WDR64: variants seen among roughly 807,000 people sequenced by gnomAD.
The protein encoded by WDR64 is WD repeat domain 64, also known as WD repeat-containing protein 64.
Under a neutral mutation model 139.3 loss-of-function variants are expected in WDR64, and 112 were observed. The observed-to-expected ratio is 0.80, with a 90% CI of 0.69 to 0.94. WDR64 has a LOEUF of 0.94. Ranked by LOEUF, WDR64 falls within the 40% of genes least tolerant of loss-of-function variation. WDR64 has a pLI of 0.00. For synonymous variants in WDR64, 444 were observed against 437.7 expected, an observed-to-expected ratio of 1.01 and a Z score of -0.18; for missense variants, 1,206 against 1,293.1, an observed-to-expected ratio of 0.93 and a Z score of 1.03.
At chr1:241,775,271 A>T (rs977941341) in intron 21 of WDR64, 61 bp downstream of exon 21, 6 of 1,400,476 alleles carry the variant, frequency 4.3e-6, no homozygotes, top group Non-Finnish European at 4.9e-6. Flanking sequence ...TGATATAAAA[A>T]TGGCTTTAGG....
chr1:241,697,138 CCTTAGCCTAGA>C (rs1667524882), intron 8 of WDR64, among the ~76,000 whole-genome samples: 1 of 152,156 alleles, frequency 6.6e-6, no homozygotes, highest in African/African-American at 2.4e-5. Context: ...TTAGCAGAGC[CCTTAGCCTAGA>C]CTCCTAATCC....
intron 8 of WDR64, among the ~76,000 whole-genome samples, chr1:241,709,743 C>T (rs1044891113): frequency 1.3e-5 from 2 of 152,128 alleles, no homozygotes; most frequent in Admixed American, 1.3e-4. Flanking sequence ...ATTATAAATA[C>T]ACATACCTTT....
At chr1:241,756,427 G>A (rs1670194658) in intron 14 of WDR64, among the ~76,000 whole-genome samples, 1 of 152,134 alleles carries the variant, frequency 6.6e-6, no homozygotes, top group African/African-American at 2.4e-5. Context: ...CTGAGACTTT[G>A]CTGAAGTTGC....
At chr1:241,666,715 A>G (rs907439344) in intron 2 of WDR64, among the ~76,000 whole-genome samples, 1 of 152,220 alleles carries the variant, frequency 6.6e-6, no homozygotes, top group African/African-American at 2.4e-5. Context: ...GTTGACATTG[A>G]TTGAGCTCCT....
chr1:241,736,785 T>A (rs1021756339), intron 10 of WDR64, among the ~76,000 whole-genome samples: 2 of 152,118 alleles, frequency 1.3e-5, no homozygotes, highest in African/African-American at 2.4e-5. Flanking sequence ...TCACATCAAT[T>A]AAATAAGGTG....
chr1:241,795,089 AG>A lies in WDR64; in HGVS notation c.2998-115del, dbSNP rs1659324387. ...TATTTGATTCTCATAACTAGGTAAC[AG>A]GGAAGTCCCTTAAGATCACACATCT... On this transcript the variant is annotated intron_variant, in intron 25 of 27. Coordinates refer to ENST00000437684, the MANE Select transcript of WDR64 (RefSeq NM_001367482.1). 3 of 766,648 alleles carry A rather than the reference AG, an allele frequency of 3.9e-6. No homozygotes were observed. The East Asian group carries it at 7.8e-5, about 20-fold the overall frequency. The allele number at this position is 766,648 out of a possible 1,614,324, so 47.5% of individuals were successfully genotyped here. A position where few individuals can be genotyped will look rare whatever the true frequency, so the allele number is the denominator to read the frequency against.
chr1:241,783,320 C>T lies in WDR64; in HGVS notation c.2644C>T (p.Gln882Ter). ...SWRAHSLEII[Q>*]VIYVEEKQVV... ...GCGTGCTCATTCTTTGGAAATTATT[C>T]AAGTAATCTATGTAGAAGAAAAACA... Residue 882 changes from glutamine (Q) to a stop codon, truncating the protein, a stop_gained, in exon 23 of 28, where the codon CAA becomes TAA. Coordinates refer to ENST00000437684, the MANE Select transcript of WDR64 (RefSeq NM_001367482.1). LOFTEE classifies it high-confidence loss of function. 1 of 1,613,974 alleles carries T rather than the reference C, an allele frequency of 6.2e-7. No homozygotes were observed. The highest frequency in any genetic ancestry group is 8.5e-7 in the Non-Finnish European group (1 of 1,179,970).
chr1:241,654,305 T>G (rs368690903), intron 1 of WDR64, among the ~76,000 whole-genome samples: 1 of 152,234 alleles, frequency 6.6e-6, no homozygotes. Flanking sequence ...GCCTCTCCTT[T>G]CCTTCTCCAC....
At chr1:241,713,925 G>A (rs572724541) in intron 9 of WDR64, among the ~76,000 whole-genome samples, 2 of 152,344 alleles carry the variant, frequency 1.3e-5, no homozygotes, top group African/African-American at 4.8e-5. Flanking sequence ...AAATGAAAGA[G>A]TAGCAATTGT....
intron 13 of WDR64, among the ~76,000 whole-genome samples, chr1:241,748,477 GTTAC>G (rs1485383518): frequency 1.3e-5 from 2 of 152,122 alleles, no homozygotes; most frequent in African/African-American, 4.8e-5. Flanking sequence ...GGCCCATTTT[GTTAC>G]TTACTTTTCT....
chr1:241,751,875 T>C (rs979220089), intron 14 of WDR64, among the ~76,000 whole-genome samples: 1 of 152,188 alleles, frequency 6.6e-6, no homozygotes, highest in Non-Finnish European at 1.5e-5. Flanking sequence ...TTTAAGGGGA[T>C]AGAATTGCAT....
intron 24 of WDR64, among the ~76,000 whole-genome samples, chr1:241,788,637 A>G (rs1300529658): frequency 2.0e-5 from 3 of 152,246 alleles, no homozygotes; most frequent in Non-Finnish European, 4.4e-5. Context: ...AAGGCTGGAA[A>G]GACCCAATGT....
intron 10 of WDR64, among the ~76,000 whole-genome samples, chr1:241,729,313 T>C (rs1668985447): frequency 6.6e-6 from 1 of 152,174 alleles, no homozygotes. Context: ...ACCTCTTATC[T>C]TCAGTTTCTT....
rs1666502888 is a variant in WDR64 at position 241,675,256 on chromosome 1, C to CT, written c.483+510dup. Among the ~76,000 whole-genome samples, 4 of 109,610 alleles carry CT rather than the reference C, an allele frequency of 3.6e-5. No individual in the cohort carries two copies. In the East Asian group the frequency reaches 1.0e-3, roughly 27 times the overall value. The allele number at this position is 109,610 out of a possible 152,430, so 71.9% of individuals were successfully genotyped here. A position where few individuals can be genotyped will look rare whatever the true frequency, so the allele number is the denominator to read the frequency against. On this transcript the variant is annotated intron_variant, in intron 4 of 27. Transcript: ENST00000437684. ...TCCCTCCTTCCTCCCTCCTTCCTTC[C>CT]TCCCTCCCTTCCTCCCTTCCTCTCT...
chr1:241,784,078 G>A (rs1278791854), intron 23 of WDR64, among the ~76,000 whole-genome samples: 1 of 152,184 alleles, frequency 6.6e-6, no homozygotes, highest in Non-Finnish European at 1.5e-5. Context: ...ATTTTATGCT[G>A]CATAAAAGTT....
At chr1:241,690,404 G>A (rs1333299913) in intron 8 of WDR64, among the ~76,000 whole-genome samples, 1 of 151,838 alleles carries the variant, frequency 6.6e-6, no homozygotes, top group Admixed American at 6.6e-5. Flanking sequence ...CTGGGAGGCG[G>A]AGGTTGTAGT....
intron 10 of WDR64, among the ~76,000 whole-genome samples, chr1:241,737,250 C>T (rs935270282): frequency 1.3e-5 from 2 of 152,218 alleles, no homozygotes; most frequent in South Asian, 2.1e-4. Flanking sequence ...AGAGGGTTTA[C>T]ATTTGAGCAA....
At chr1:241,787,792 A>G in intron 23 of WDR64, 57 bp from the exon 24 acceptor site, 2 of 1,473,648 alleles carry the variant, frequency 1.4e-6, no homozygotes, top group Non-Finnish European at 1.8e-6. Context: ...AATGAACAGA[A>G]TAACTTTGAC....
chr1:241,769,084 T>G (rs1204054569), intron 16 of WDR64, among the ~76,000 whole-genome samples: 4 of 152,136 alleles, frequency 2.6e-5, no homozygotes. Flanking sequence ...CTGGGCAACA[T>G]AGTTGGCCCC....
Sources: gnomAD v4.1 joint callset for allele counts (sites outside exome capture counted in the v4.1 genomes callset) on GRCh38, gnomAD v4.1.1 for gene constraint, MANE v1.5 for transcripts, NCBI Gene and HGNC (gene_info 2026-07-23, HGNC 2026-07-21) for gene names.